MMP26: variants seen among roughly 807,000 people sequenced by gnomAD.
The protein encoded by MMP26 is matrix metalloproteinase-26.
MMP26 carries 33 observed loss-of-function variants against 31.0 expected under a neutral mutation model. That is an observed-to-expected ratio of 1.06 (90% CI 0.81 to 1.42). MMP26 has a LOEUF of 1.42. Among genes scored for constraint, MMP26 ranks in the 40% most tolerant of loss-of-function variants. MMP26 has a pLI of 0.00. For synonymous variants in MMP26, 122 were observed against 114.9 expected, an observed-to-expected ratio of 1.06 and a Z score of -0.40; for missense variants, 347 against 316.1, an observed-to-expected ratio of 1.10 and a Z score of -0.74.
At chr11:4,967,491 G>T (rs535063724) in intron 2 of MMP26, among the ~76,000 whole-genome samples, 1 of 152,294 alleles carries the variant, frequency 6.6e-6, no homozygotes, top group South Asian at 2.1e-4. Context: ...AATACCTAGA[G>T]ATTTGTGTGA....
At chr11:4,838,172 G>T (rs971375546) in intron 2 of MMP26, among the ~76,000 whole-genome samples, 1 of 150,710 alleles carries the variant, frequency 6.6e-6, no homozygotes, top group Non-Finnish European at 1.5e-5. Context: ...AAAAAAATTA[G>T]CCGGGCGTGG....
chr11:4,955,931 T>C (rs1253717423), intron 2 of MMP26, among the ~76,000 whole-genome samples: 4 of 152,258 alleles, frequency 2.6e-5, no homozygotes, highest in African/African-American at 9.6e-5. Context: ...AGAATCTGTC[T>C]ATTAATGCAT....
intron 2 of MMP26, chr11:4,769,834 C>G: frequency 1.9e-6 from 3 of 1,612,874 alleles, no homozygotes; most frequent in Non-Finnish European, 2.5e-6. Flanking sequence ...GAATGGAGAT[C>G]CAGACATGGG....
intron 2 of MMP26, chr11:4,946,962 T>C (rs752670442): frequency 2.5e-6 from 4 of 1,604,760 alleles, no homozygotes; most frequent in South Asian, 2.2e-5. Flanking sequence ...ATAAAAAGAA[T>C]GGTGCCATTT....
chr11:4,742,174 A>G (rs1275095632), intron 1 of MMP26, among the ~76,000 whole-genome samples: 2 of 152,214 alleles, frequency 1.3e-5, no homozygotes, highest in Non-Finnish European at 2.9e-5. Context: ...AATTCAGCAA[A>G]TATGTACTGT....
chr11:4,982,871 T>G (rs1383562298), intron 2 of MMP26, among the ~76,000 whole-genome samples: 6 of 152,138 alleles, frequency 3.9e-5, no homozygotes, highest in Admixed American at 3.9e-4. Flanking sequence ...CCTACAACAT[T>G]GTTGAAATGT....
intron 1 of MMP26, among the ~76,000 whole-genome samples, chr11:4,730,938 A>AT (rs1037399971): frequency 2.6e-5 from 4 of 151,844 alleles, no homozygotes; most frequent in Admixed American, 1.3e-4. Context: ...TTTATTATTT[A>AT]TTATTTATTT....
intron 2 of MMP26, among the ~76,000 whole-genome samples, chr11:4,901,962 ATAAT>A: frequency 6.6e-6 from 1 of 152,204 alleles, no homozygotes; most frequent in Non-Finnish European, 1.5e-5. Context: ...TACATACTTG[ATAAT>A]CGAATCCAGG....
At position 4,807,489 on chromosome 11, in the gene MMP26, C is replaced by G. The variant is rs371529111; in HGVS notation, c.-145+40148C>G. ...GCAGGGACATGGATGAAGCTGGAAACCATCATTCTAAGCAAACTGTCACAA... is the reference window on the plus strand; with the variant it reads ...GCAGGGACATGGATGAAGCTGGAAAGCATCATTCTAAGCAAACTGTCACAA... On this transcript the variant is annotated intron_variant, in intron 2 of 7. Coordinates refer to ENST00000380390, the MANE Select transcript of MMP26 (RefSeq NM_021801.5). Among the ~76,000 whole-genome samples, 138 of 152,152 alleles carry G rather than the reference C, an allele frequency of 9.1e-4. 1 individual carries two copies. The highest frequency in any genetic ancestry group is 3.1e-3 in the African/African-American group (129 of 41,514).
At chr11:4,824,371 G>A (rs1849553964) in intron 2 of MMP26, among the ~76,000 whole-genome samples, 1 of 152,060 alleles carries the variant, frequency 6.6e-6, no homozygotes. Context: ...AGCCATTCTA[G>A]CCTTTCTATC....
At chr11:4,811,758 A>G (rs1849352379) in intron 2 of MMP26, among the ~76,000 whole-genome samples, 1 of 152,112 alleles carries the variant, frequency 6.6e-6, no homozygotes, top group Non-Finnish European at 1.5e-5. Flanking sequence ...ACAGTCCCAA[A>G]TGCCACTTGA....
intron 2 of MMP26, among the ~76,000 whole-genome samples, chr11:4,962,706 G>A (rs1261380386): frequency 2.0e-5 from 3 of 152,128 alleles, no homozygotes; most frequent in Non-Finnish European, 4.4e-5. Flanking sequence ...CCGAAAGTTG[G>A]CACAACTCTG....
intron 2 of MMP26, among the ~76,000 whole-genome samples, chr11:4,940,059 C>T (rs1218102244): frequency 2.0e-5 from 3 of 151,476 alleles, no homozygotes; most frequent in Non-Finnish European, 4.4e-5. Context: ...CAAACACCCC[C>T]AAATGTAATT....
intron 2 of MMP26, among the ~76,000 whole-genome samples, chr11:4,854,880 C>T (rs1314551670): frequency 6.6e-6 from 1 of 152,170 alleles, no homozygotes; most frequent in Non-Finnish European, 1.5e-5. Flanking sequence ...GAGGAAGGAT[C>T]AAGCAGCAAC....
At chr11:4,719,892 CTACT>C (rs775302331) in intron 1 of MMP26, among the ~76,000 whole-genome samples, 23 of 152,162 alleles carry the variant, frequency 1.5e-4, no homozygotes, top group Non-Finnish European at 3.1e-4. Flanking sequence ...GAGAAAGTGT[CTACT>C]TATTATTTAA....
At chr11:4,880,295 G>A (rs981989517) in intron 2 of MMP26, among the ~76,000 whole-genome samples, 2 of 152,044 alleles carry the variant, frequency 1.3e-5, no homozygotes, top group Non-Finnish European at 2.9e-5. Context: ...AGGTAAGACG[G>A]GAGTGCAAAC....
intron 2 of MMP26, chr11:4,944,018 G>C (rs1173677103): frequency 2.4e-6 from 1 of 424,004 alleles, no homozygotes; most frequent in African/African-American, 2.1e-5. Context: ...CGCACACTGG[G>C]AGAATATGAG....
chr11:4,873,065 G>A (rs957570341), intron 2 of MMP26, among the ~76,000 whole-genome samples: 1 of 152,020 alleles, frequency 6.6e-6, no homozygotes, highest in Admixed American at 6.6e-5. Flanking sequence ...GATTACTCAT[G>A]ACACATCTGG....
At chr11:4,800,823 T>C (rs77702802) in intron 2 of MMP26, among the ~76,000 whole-genome samples, 1,834 of 152,294 alleles carry the variant, frequency 0.012, 21 homozygotes, top group Middle Eastern at 0.048. Flanking sequence ...GTTTGCTGCT[T>C]AGAAATTTTT....
Sources: gnomAD v4.1 joint callset for allele counts (sites outside exome capture counted in the v4.1 genomes callset) on GRCh38, gnomAD v4.1.1 for gene constraint, MANE v1.5 for transcripts, NCBI Gene and HGNC (gene_info 2026-07-23, HGNC 2026-07-21) for gene names.